The following CCDC117 variants were observed in gnomAD, a reference collection of about 807,000 sequenced individuals.
CCDC117 encodes the protein coiled-coil domain-containing protein 117.
CCDC117 carries 1 observed loss-of-function variant against 23.5 expected under a neutral mutation model. The ratio of observed to expected loss-of-function variants is 0.04; its 90% CI spans 0.02 to 0.20. CCDC117 has a LOEUF of 0.20. CCDC117 is among the 10% of genes least tolerant of loss of function. The pLI is 1.00. For missense variants in CCDC117, 383 were observed against 348.2 expected, an observed-to-expected ratio of 1.10 and a Z score of -0.80; for synonymous variants, 132 against 124.8, an observed-to-expected ratio of 1.06 and a Z score of -0.39.
chr22:28,783,750 C>G (rs2031427938), intron 4 of CCDC117, 105 bp downstream of exon 4: 8 of 1,101,128 alleles, frequency 7.3e-6, no homozygotes, highest in Non-Finnish European at 1.1e-5. Context: ...ATCTCCTGAT[C>G]CCCAGGCAAT....
At chr22:28,773,592 C>A in intron 1 of CCDC117, 133 bp from the exon 2 acceptor site, 1 of 704,394 alleles carries the variant, frequency 1.4e-6, no homozygotes, top group Non-Finnish European at 2.6e-6. Context: ...GTGATTTGTA[C>A]CCATCCCACT....
intron 3 of CCDC117, among the ~76,000 whole-genome samples, chr22:28,781,830 A>C (rs2031346731): frequency 6.7e-6 from 1 of 148,740 alleles, no homozygotes; most frequent in Non-Finnish European, 1.5e-5. Context: ...TTTAATAGAG[A>C]TGGGGTTTCT....
chr22:28,782,456 G>A (rs1018597945), intron 3 of CCDC117, among the ~76,000 whole-genome samples: 5 of 150,782 alleles, frequency 3.3e-5, no homozygotes, highest in African/African-American at 1.2e-4. Context: ...TTTTATTTTT[G>A]GAGACAGAGT....
intron 3 of CCDC117, among the ~76,000 whole-genome samples, chr22:28,782,054 C>T (rs1003302396): frequency 4.0e-5 from 6 of 151,408 alleles, no homozygotes; most frequent in Admixed American, 3.9e-4. Flanking sequence ...CTGCCCCCCT[C>T]AGCCTCCCAA....
At chr22:28,782,658 C>T (rs1426484325) in intron 3 of CCDC117, among the ~76,000 whole-genome samples, 4 of 151,932 alleles carry the variant, frequency 2.6e-5, no homozygotes, top group Non-Finnish European at 4.4e-5. Context: ...AGGCTGGTCT[C>T]GAACTCCGGA....
rs79767341 is a variant in CCDC117, at chr22:28,785,650, C to T, written c.603-439C>T. ...AAATTTCCAACAATCAAGGGCTCTG[C>T]GTTTTCATATTGGATTTTTAAATAC... is the stretch of plus-strand genomic sequence containing the variant. On this transcript the variant is annotated intron_variant, in intron 4 of 4. Transcript: ENST00000249064. Among the ~76,000 whole-genome samples the T allele has an allele frequency of 5.6e-3, 859 of 152,208 alleles. 9 individuals are homozygous for T. Among genetic ancestry groups the T allele is most frequent in the African/African-American group, 0.019 (804 of 41,530 alleles).
Position 28,779,065 on chromosome 22 carries a change from G to T in CCDC117, c.240-1883G>T, listed in dbSNP as rs186432993. On this transcript the variant is annotated intron_variant, in intron 2 of 4. Coordinates refer to ENST00000249064, the MANE Select transcript of CCDC117 (RefSeq NM_173510.4). ...GGCTGGTCTCAAACACTGGGCTCAA[G>T]TGATCTCCTCCCTCAGCCTCCCAAG... is the stretch of plus-strand genomic sequence containing the variant. 5.0e-3 allele frequency among the ~76,000 whole-genome samples: 757 copies of T among 151,646 alleles called. 5 individuals are homozygous for T. Among genetic ancestry groups the T allele is most frequent in the African/African-American group, 0.017 (706 of 41,504 alleles).
Position 28,780,905 on chromosome 22 carries a change from A to G in CCDC117, c.240-43A>G, listed in dbSNP as rs374856776. On this transcript the variant is annotated intron_variant, in intron 2 of 4. Coordinates refer to ENST00000249064, the MANE Select transcript of CCDC117 (RefSeq NM_173510.4). ...GATAGGAATGATAAACATTTCATTT[A>G]TATTAGTTGGGATTTTCATTGAATT... 9.8e-5 allele frequency: 136 copies of G among 1,388,368 alleles called. No individual in the cohort carries two copies. In the African/African-American group the frequency reaches 1.8e-3, roughly 18 times the overall value. The allele number at this position is 1,388,368 out of a possible 1,614,324, so 86.0% of individuals were successfully genotyped here. A position where few individuals can be genotyped will look rare whatever the true frequency, so the allele number is the denominator to read the frequency against.
In CCDC117 at chr22:28,783,494, CTTAA is replaced by C. The variant is rs553628807; in HGVS notation, c.465-11_465-8del. 1.7e-4 allele frequency: 266 copies of C among 1,605,570 alleles called. No homozygotes were observed. The East Asian group carries it at 4.4e-3, about 27-fold the overall frequency. ...AAATATTTTTTCTTTCTTCTGCTGC[CTTAA>C]TTGATTTAGGATAATTGATGAAGAT... On this transcript the variant is annotated splice_polypyrimidine_tract_variant and intron_variant, in intron 3 of 4. Coordinates refer to ENST00000249064, the MANE Select transcript of CCDC117 (RefSeq NM_173510.4).
chr22:28,777,871 G>A (rs369537245), intron 2 of CCDC117, among the ~76,000 whole-genome samples: 21 of 146,708 alleles, frequency 1.4e-4, no homozygotes, highest in Non-Finnish European at 2.5e-4. Context: ...TTTTTTTTGA[G>A]ATGTATCCTC....
At chr22:28,777,183 C>T (rs185096531) in intron 2 of CCDC117, among the ~76,000 whole-genome samples, 1 of 151,870 alleles carries the variant, frequency 6.6e-6, no homozygotes, top group African/African-American at 2.4e-5. Flanking sequence ...GGACTACAGG[C>T]GTGTGATAAT....
chr22:28,780,584 C>T (rs1379906970), intron 2 of CCDC117, among the ~76,000 whole-genome samples: 1 of 152,146 alleles, frequency 6.6e-6, no homozygotes, highest in Non-Finnish European at 1.5e-5. Context: ...CTCAGCCATT[C>T]CAAGTGCTGG....
chr22:28,782,461 C>CG (rs1555946357), intron 3 of CCDC117, among the ~76,000 whole-genome samples: 4 of 151,550 alleles, frequency 2.6e-5, no homozygotes, highest in Admixed American at 6.6e-5. Flanking sequence ...TTTTTGGAGA[C>CG]AGAGTCTCGC....
At chr22:28,775,882 G>A (rs2031148849) in intron 2 of CCDC117, among the ~76,000 whole-genome samples, 1 of 152,140 alleles carries the variant, frequency 6.6e-6, no homozygotes, top group Non-Finnish European at 1.5e-5. Flanking sequence ...TGGTGACAAA[G>A]TGAGACTGTC....
chr22:28,780,235 G>A (rs1196852033), intron 2 of CCDC117, among the ~76,000 whole-genome samples: 1 of 152,174 alleles, frequency 6.6e-6, no homozygotes, highest in Non-Finnish European at 1.5e-5. Flanking sequence ...ATGTTGCAAA[G>A]TGGGAGAAAA....
At chr22:28,782,228 G>C (rs1010595578) in intron 3 of CCDC117, among the ~76,000 whole-genome samples, 15 of 145,726 alleles carry the variant, frequency 1.0e-4, no homozygotes, top group Non-Finnish European at 1.9e-4. Flanking sequence ...ATGAGCTACT[G>C]TGCCGGGCCA....
rs34670753 is a variant in CCDC117 at position 28,782,250 on chromosome 22, C to CTTTTTTTTTTTTTTTT, written c.464+1089_464+1104dup. ...ACTGTGCCGGGCCAGTCTACTGAGC[C>CTTTTTTTTTTTTTTTT]TTTTTTTTTTTTTTTTTTTTTTTTT... On this transcript the variant is annotated intron_variant, in intron 3 of 4. Transcript: ENST00000249064. Among the ~76,000 whole-genome samples, 5 of 80,316 alleles carry CTTTTTTTTTTTTTTTT rather than the reference C, an allele frequency of 6.2e-5. 1 individual carries two copies. Among genetic ancestry groups the CTTTTTTTTTTTTTTTT allele is most frequent in the African/African-American group, 3.0e-4 (5 of 16,474 alleles). The allele number at this position is 80,316 out of a possible 152,430, so 52.7% of individuals were successfully genotyped here.
intron 2 of CCDC117, among the ~76,000 whole-genome samples, 170 bp downstream of exon 2, chr22:28,773,948 A>C (rs2031080392): frequency 6.6e-6 from 1 of 152,226 alleles, no homozygotes; most frequent in African/African-American, 2.4e-5. Flanking sequence ...TGGCAGGCAG[A>C]CAGGTCAGAG....
intron 3 of CCDC117, among the ~76,000 whole-genome samples, 163 bp downstream of exon 3, chr22:28,781,335 G>GTTTTTTTTGTTTTTTTTT (rs2031317486): frequency 6.7e-5 from 1 of 14,822 alleles, no homozygotes. Context: ...TTTTTGTTTT[G>GTTTTTTTTGTTTTTTTTT]TTTTTTTTTT....
Sources: allele counts gnomAD v4.1 joint callset (sites outside exome capture counted in the v4.1 genomes callset), GRCh38; gene constraint gnomAD v4.1.1; transcripts MANE v1.5; gene names NCBI Gene and HGNC (gene_info 2026-07-23, HGNC 2026-07-21).